CLDN10: variants seen among roughly 807,000 people sequenced by gnomAD.
CLDN10 encodes the protein claudin-10.
Under a neutral mutation model 22.9 loss-of-function variants are expected in CLDN10, and 15 were observed. The ratio of observed to expected loss-of-function variants is 0.65; its 90% CI spans 0.44 to 1.01. CLDN10 has a LOEUF of 1.01. Ranked by LOEUF, CLDN10 falls within the 50% of genes least tolerant of loss-of-function variation. The pLI is 0.00. For missense variants in CLDN10, 247 were observed against 287.8 expected (o/e 0.86, Z 1.03); for synonymous variants, 114 against 111.4 (o/e 1.02, Z -0.15).
At chr13:95,547,435 T>C (rs113922081) in intron 1 of CLDN10, among the ~76,000 whole-genome samples, 2,615 of 152,258 alleles carry the variant, frequency 0.017, 27 homozygotes, top group Non-Finnish European at 0.027. Flanking sequence ...ATTAATACCA[T>C]TTTTATGAAA....
chr13:95,514,143 A>G (rs1460554565), intron 1 of CLDN10, among the ~76,000 whole-genome samples: 2 of 152,116 alleles, frequency 1.3e-5, no homozygotes, highest in African/African-American at 4.8e-5. Flanking sequence ...CTGTAATCCC[A>G]GCTACTTCTG....
chr13:95,485,114 C>A (rs80010434), intron 1 of CLDN10, among the ~76,000 whole-genome samples: 2 of 146,672 alleles, frequency 1.4e-5, no homozygotes, highest in Non-Finnish European at 3.0e-5. Context: ...CAGAGAGCCA[C>A]GTGGGGGTTG....
intron 1 of CLDN10, among the ~76,000 whole-genome samples, chr13:95,447,027 C>G (rs917353399): frequency 2.0e-5 from 3 of 152,056 alleles, no homozygotes; most frequent in Non-Finnish European, 4.4e-5. Context: ...TACAAGAGAA[C>G]GAGTCCTGCC....
intron 1 of CLDN10, 55 bp downstream of exon 1, chr13:95,553,028 C>CT: frequency 6.3e-7 from 1 of 1,594,544 alleles, no homozygotes; most frequent in East Asian, 2.3e-5. Context: ...GGCCAGCCCG[C>CT]TAGGCGCCCT....
In CLDN10 at chr13:95,577,272, C is replaced by A; in HGVS notation, c.506C>A (p.Ala169Asp). The change falls in exon 4 of 5, where the codon GCC becomes GAC. Residue 169 changes from alanine (A) to aspartate (D), a missense_variant. By Grantham distance (126) the Ala-to-Asp change is moderately radical. Transcript: ENST00000299339. ...GCTCTGTTTATTGGATGGGCAGGAG[C>A]CTCACTGTGCATAATTGGTGGTGTC... ...GAALFIGWAG[A>D]SLCIIGGVIF... 1 of 1,614,092 alleles carries A rather than the reference C, an allele frequency of 6.2e-7. No homozygotes were observed. The highest frequency in any genetic ancestry group is 1.1e-5 in the South Asian group (1 of 91,080).
At chr13:95,480,829 G>A (rs1418645526) in intron 1 of CLDN10, among the ~76,000 whole-genome samples, 1 of 152,206 alleles carries the variant, frequency 6.6e-6, no homozygotes, top group African/African-American at 2.4e-5. Context: ...CATAAGCTAT[G>A]TTGAAATACT....
At chr13:95,494,495 C>A (rs1234054655) in intron 1 of CLDN10, among the ~76,000 whole-genome samples, 1 of 152,098 alleles carries the variant, frequency 6.6e-6, no homozygotes, top group Admixed American at 6.5e-5. Flanking sequence ...TTAAGGAGAA[C>A]ATGGAAAACG....
intron 1 of CLDN10, among the ~76,000 whole-genome samples, chr13:95,485,777 A>G (rs2042797775): frequency 6.6e-6 from 1 of 152,212 alleles, no homozygotes. Flanking sequence ...GGCCAACTCA[A>G]ATGTAACCTC....
chr13:95,498,359 T>A (rs1166838912), intron 1 of CLDN10, among the ~76,000 whole-genome samples: 1 of 152,166 alleles, frequency 6.6e-6, no homozygotes, highest in East Asian at 1.9e-4. Flanking sequence ...ACACAAGATG[T>A]CTATGGGCAA....
At chr13:95,481,531 CTG>C (rs1384821201) in intron 1 of CLDN10, among the ~76,000 whole-genome samples, 2 of 152,132 alleles carry the variant, frequency 1.3e-5, no homozygotes, top group African/African-American at 2.4e-5. Context: ...CTTTTAGTCT[CTG>C]AGGGCCATGT....
intron 1 of CLDN10, among the ~76,000 whole-genome samples, chr13:95,538,485 C>T (rs2043424628): frequency 6.6e-6 from 1 of 152,124 alleles, no homozygotes; most frequent in African/African-American, 2.4e-5. Flanking sequence ...ACCTCCTCTC[C>T]ATATGTGATG....
intron 1 of CLDN10, among the ~76,000 whole-genome samples, chr13:95,483,165 G>C (rs1387519714): frequency 1.3e-5 from 2 of 152,084 alleles, no homozygotes; most frequent in South Asian, 2.1e-4. Context: ...GTGTGGCACT[G>C]CCACTCTGTG....
chr13:95,460,220 C>T (rs959401379), intron 1 of CLDN10, among the ~76,000 whole-genome samples: 1 of 152,148 alleles, frequency 6.6e-6, no homozygotes, highest in African/African-American at 2.4e-5. Context: ...CAAACTTTTC[C>T]ACATCTTCCT....
chr13:95,511,994 C>G (rs949439460), intron 1 of CLDN10, among the ~76,000 whole-genome samples: 4 of 133,754 alleles, frequency 3.0e-5, no homozygotes, highest in East Asian at 2.1e-4. Context: ...TGCTATCCCC[C>G]CCCTCTCCCC....
At chr13:95,510,351 C>T (rs2043083428) in intron 1 of CLDN10, among the ~76,000 whole-genome samples, 1 of 152,238 alleles carries the variant, frequency 6.6e-6, no homozygotes, top group African/African-American at 2.4e-5. Context: ...GAAGCCTGTG[C>T]TTGTCCTGAC....
intron 1 of CLDN10, among the ~76,000 whole-genome samples, chr13:95,462,373 G>A (rs1176364545): frequency 6.6e-6 from 1 of 152,148 alleles, no homozygotes; most frequent in Non-Finnish European, 1.5e-5. Context: ...CATTCTGCCT[G>A]TAAGGAAAGT....
intron 1 of CLDN10, among the ~76,000 whole-genome samples, chr13:95,465,550 A>G (rs758259599): frequency 4.6e-5 from 7 of 152,218 alleles, no homozygotes; most frequent in Admixed American, 1.3e-4. Context: ...ACTCCAAGCC[A>G]TTCACTACAA....
At chr13:95,441,563 G>C (rs905030724) in intron 1 of CLDN10, among the ~76,000 whole-genome samples, 2 of 152,042 alleles carry the variant, frequency 1.3e-5, no homozygotes, top group Non-Finnish European at 2.9e-5. Flanking sequence ...TTTTTATGAT[G>C]GTATCTAAAA....
At chr13:95,528,866 G>A (rs1224700800) in intron 1 of CLDN10, among the ~76,000 whole-genome samples, 1 of 152,204 alleles carries the variant, frequency 6.6e-6, no homozygotes, top group Non-Finnish European at 1.5e-5. Flanking sequence ...GTTAAAGAGA[G>A]AAGTTAAGTA....
Sources: allele counts gnomAD v4.1 joint callset (sites outside exome capture counted in the v4.1 genomes callset), GRCh38; gene constraint gnomAD v4.1.1; transcripts MANE v1.5; gene names NCBI Gene and HGNC (gene_info 2026-07-23, HGNC 2026-07-21).